Variants in SCIN observed in about 807,000 individuals in gnomAD.
SCIN encodes scinderin.
In SCIN, 91 loss-of-function variants were observed where a neutral mutation model predicts 91.8. The observed-to-expected ratio is 0.99, with a 90% CI of 0.84 to 1.18. The LOEUF (loss-of-function observed/expected upper bound fraction) is 1.18, where lower values mean the gene tolerates loss of function less well. SCIN is among the 50% of genes most tolerant of loss of function. The pLI, the probability that SCIN is intolerant of heterozygous loss-of-function variation, is 0.00. For synonymous variants in SCIN, 367 were observed against 312.6 expected (o/e 1.17, Z -1.84); for missense variants, 1,087 against 863.9 (o/e 1.26, Z -3.24).
At chr7:12,638,693 G>A (rs917699088) in intron 10 of SCIN, among the ~76,000 whole-genome samples, 2 of 152,168 alleles carry the variant, frequency 1.3e-5, no homozygotes, top group African/African-American at 2.4e-5. Context: ...GCTGAAGTTG[G>A]TCTTCCAGCT....
rs183207062 is a variant in SCIN at position 12,654,789 on chromosome 7, G to C, written c.*2074G>C. ...TATTGAATGGCAATATCAAAAATGA[G>C]ATCAGCAGCAAGATGATAAGGCAGA... On this transcript the variant is annotated 3_prime_UTR_variant, in exon 16 of 16. Coordinates refer to ENST00000297029, the MANE Select transcript of SCIN (RefSeq NM_001112706.3). 8 of 152,222 alleles carry C rather than the reference G, an allele frequency of 5.3e-5. No individual in the cohort carries two copies. Among genetic ancestry groups the C allele is most frequent in the African/African-American group, 1.9e-4 (8 of 41,558 alleles). 9.4% of individuals were successfully genotyped at this position (152,222 alleles called of 1,614,324 possible).
intron 3 of SCIN, among the ~76,000 whole-genome samples, chr7:12,598,401 G>C (rs746890497): frequency 1.3e-5 from 2 of 151,956 alleles, no homozygotes; most frequent in South Asian, 4.2e-4. Context: ...GTGTTGGGCC[G>C]CACAGTTTAT....
intron 4 of SCIN, among the ~76,000 whole-genome samples, chr7:12,608,934 A>G (rs944130368): frequency 6.6e-6 from 1 of 152,192 alleles, no homozygotes; most frequent in African/African-American, 2.4e-5. Flanking sequence ...CTCTGTATTG[A>G]GTGCTGAAAT....
intron 5 of SCIN, among the ~76,000 whole-genome samples, chr7:12,624,716 C>G (rs944379467): frequency 6.6e-6 from 1 of 152,230 alleles, no homozygotes; most frequent in East Asian, 1.9e-4. Context: ...CTATTCTTTT[C>G]TGATGTTTTA....
At chr7:12,594,641 G>C (rs534394893) in intron 3 of SCIN, among the ~76,000 whole-genome samples, 2 of 152,218 alleles carry the variant, frequency 1.3e-5, no homozygotes, top group Admixed American at 6.5e-5. Flanking sequence ...ACACCCAAGG[G>C]GGGTGGTCTT....
intron 13 of SCIN, among the ~76,000 whole-genome samples, chr7:12,648,761 T>C (rs957120565): frequency 6.6e-6 from 1 of 152,198 alleles, no homozygotes; most frequent in Non-Finnish European, 1.5e-5. Flanking sequence ...TGACTATATA[T>C]GTGGGCATTC....
chr7:12,590,311 G>A (rs1233683629), intron 3 of SCIN, among the ~76,000 whole-genome samples: 1 of 152,192 alleles, frequency 6.6e-6, no homozygotes, highest in African/African-American at 2.4e-5. Flanking sequence ...CCTCCCCTGG[G>A]AGTGTTCCTC....
chr7:12,634,784 T>A (rs528043247), intron 9 of SCIN, among the ~76,000 whole-genome samples: 57 of 152,302 alleles, frequency 3.7e-4, no homozygotes, highest in African/African-American at 1.3e-3. Context: ...GACACAGAGT[T>A]AACAGCCACA....
intron 8 of SCIN, among the ~76,000 whole-genome samples, chr7:12,628,030 CGCGTGTGTGT>C (rs1472067792): frequency 0.034 from 2,739 of 81,154 alleles, 92 homozygotes; most frequent in African/African-American, 0.11. Context: ...CAAGTGTGCG[CGCGTGTGTGT>C]GTGTGTGTGT....
intron 3 of SCIN, among the ~76,000 whole-genome samples, chr7:12,600,103 AG>A (rs1398945439): frequency 1.3e-5 from 2 of 152,178 alleles, no homozygotes; most frequent in East Asian, 3.8e-4. Context: ...ATGTCTAGAA[AG>A]GTTTTTCCAA....
chr7:12,583,983 G>T (rs1037944746), intron 3 of SCIN, among the ~76,000 whole-genome samples: 2 of 152,002 alleles, frequency 1.3e-5, no homozygotes, highest in South Asian at 2.1e-4. Flanking sequence ...TTATATTCTG[G>T]AATTTTCCTA....
chr7:12,627,583 G>C (rs2529784), intron 8 of SCIN, among the ~76,000 whole-genome samples: 30,550 of 152,110 alleles, frequency 0.2, 3,895 homozygotes, highest in South Asian at 0.38. Flanking sequence ...AAAGTATATG[G>C]TCAAGAAATT....
chr7:12,596,220 G>C, intron 3 of SCIN: 1 of 390,202 alleles, frequency 2.6e-6, no homozygotes, highest in Non-Finnish European at 5.2e-6. Flanking sequence ...TATGCAGTGT[G>C]TCTAGGAAGT....
chr7:12,649,170 G>C (rs546007096), intron 13 of SCIN, among the ~76,000 whole-genome samples: 1 of 152,046 alleles, frequency 6.6e-6, no homozygotes, highest in Non-Finnish European at 1.5e-5. Flanking sequence ...CCACACAGCC[G>C]CATTCCTCTC....
intron 2 of SCIN, among the ~76,000 whole-genome samples, chr7:12,579,921 G>T (rs1782454162): frequency 6.6e-6 from 1 of 152,042 alleles, no homozygotes; most frequent in African/African-American, 2.4e-5. Context: ...TCTCAAAACA[G>T]GAGTACATAG....
intron 9 of SCIN, among the ~76,000 whole-genome samples, chr7:12,632,348 C>G (rs1783663916): frequency 6.6e-6 from 1 of 152,056 alleles, no homozygotes; most frequent in Non-Finnish European, 1.5e-5. Flanking sequence ...CCAGGCTGGT[C>G]TTGCACTCCT....
At chr7:12,588,123 A>T (rs1782629421) in intron 3 of SCIN, among the ~76,000 whole-genome samples, 1 of 152,184 alleles carries the variant, frequency 6.6e-6, no homozygotes, top group Non-Finnish European at 1.5e-5. Flanking sequence ...CTTACCCCCA[A>T]AGTAATGCAT....
intron 3 of SCIN, among the ~76,000 whole-genome samples, chr7:12,592,321 G>A (rs1782741662): frequency 6.6e-6 from 1 of 152,138 alleles, no homozygotes; most frequent in African/African-American, 2.4e-5. Flanking sequence ...GTCGGTATGA[G>A]CCATCAGACT....
chr7:12,572,368 A>C (rs984515974), intron 1 of SCIN, among the ~76,000 whole-genome samples: 1 of 152,242 alleles, frequency 6.6e-6, no homozygotes, highest in East Asian at 1.9e-4. Context: ...TCTGCCAGAA[A>C]AGACTGAAAC....
Sources: gnomAD v4.1 joint callset for allele counts (sites outside exome capture counted in the v4.1 genomes callset) on GRCh38, gnomAD v4.1.1 for gene constraint, MANE v1.5 for transcripts, NCBI Gene and HGNC (gene_info 2026-07-23, HGNC 2026-07-21) for gene names.